PPM1G: variants seen among roughly 807,000 people sequenced by gnomAD.
PPM1G encodes the protein protein phosphatase, Mg2+/Mn2+ dependent 1G.
Under a neutral mutation model 59.4 loss-of-function variants are expected in PPM1G, and 12 were observed. The observed-to-expected ratio is 0.20, with a 90% CI of 0.13 to 0.33. PPM1G has a LOEUF of 0.33. Ranked by LOEUF, PPM1G falls within the 10% of genes least tolerant of loss-of-function variation. The pLI is 1.00. For synonymous variants in PPM1G, 245 were observed against 251.9 expected (o/e 0.97, Z 0.26); for missense variants, 392 against 681.3 (o/e 0.58, Z 4.73).
chr2:27,388,780 C>T lies in PPM1G; in HGVS notation c.121-1622G>A, dbSNP rs1683828274. 3.6e-5 allele frequency among the ~76,000 whole-genome samples: 5 copies of T among 138,816 alleles called. No individual in the cohort carries two copies. In the South Asian group the frequency reaches 1.2e-3, roughly 32 times the overall value. 91.1% of individuals were successfully genotyped at this position (138,816 alleles called of 152,430 possible). On this transcript the variant is annotated intron_variant, in intron 1 of 9. Coordinates refer to ENST00000344034, the MANE Select transcript of PPM1G (RefSeq NM_177983.3). ...GTCCCAGCTACTTGGGAGGCTGAGG[C>T]AGGAGAATGGCGTGAACCCAGGAGG...
intron 1 of PPM1G, chr2:27,392,789 T>C (rs1453959999): frequency 1.1e-5 from 16 of 1,471,892 alleles, no homozygotes; most frequent in Non-Finnish European, 1.4e-5. Flanking sequence ...GAGGCTTAGC[T>C]TTCATTATCA....
In PPM1G at chr2:27,383,979, C is replaced by T. The variant is rs1359257576; in HGVS notation, c.939G>A (p.Met313Ile). Reference protein sequence around the residue: ...EDDEEEEEEMMVPGMEGKEEP... With the variant: ...EDDEEEEEEMIVPGMEGKEEP... Reference sequence around the variant, plus strand: ...CCTCTTTGCCTTCCATCCCTGGCACCATCATCTCTTCTTCTTCTTCTTCAT... The same window carrying T: ...CCTCTTTGCCTTCCATCCCTGGCACTATCATCTCTTCTTCTTCTTCTTCAT... The change falls in exon 6 of 10, where the codon ATG becomes ATA. Residue 313 changes from methionine to isoleucine, a missense_variant. This residue lies in a region of PPM1G where 188 missense variants were observed against 248.8 expected (regional missense o/e 0.76). Coordinates refer to ENST00000344034, the MANE Select transcript of PPM1G (RefSeq NM_177983.3). The surrounding 1 kb of genome is among the most constrained non-coding windows in gnomAD (Gnocchi z 5.0). 4 of 1,557,008 alleles carry T rather than the reference C, an allele frequency of 2.6e-6. No homozygotes were observed. The highest frequency in any genetic ancestry group is 3.5e-6 in the Non-Finnish European group (4 of 1,149,604).
At chr2:27,403,823 G>A (rs1471256225) in intron 1 of PPM1G, among the ~76,000 whole-genome samples, 1 of 149,380 alleles carries the variant, frequency 6.7e-6, no homozygotes, top group Admixed American at 6.7e-5. Context: ...AAAGGCCAGT[G>A]AGCCGAGATC....
chr2:27,391,753 G>C (rs35982212), intron 1 of PPM1G, among the ~76,000 whole-genome samples: 2 of 145,474 alleles, frequency 1.4e-5, no homozygotes, highest in Admixed American at 1.4e-4. Context: ...TTTTTTTTGA[G>C]ACAGAGTCTA....
At chr2:27,407,290 G>A (rs1241882621) in intron 1 of PPM1G, among the ~76,000 whole-genome samples, 12 of 151,768 alleles carry the variant, frequency 7.9e-5, no homozygotes, top group African/African-American at 9.7e-5. Context: ...TTGAGACAGC[G>A]TCTCGCTCTG....
chr2:27,405,465 G>GT (rs1239001980), intron 1 of PPM1G, among the ~76,000 whole-genome samples: 7 of 151,228 alleles, frequency 4.6e-5, no homozygotes, highest in African/African-American at 1.7e-4. Context: ...TTTTTTGTTT[G>GT]TTTTTTTGAG....
intron 1 of PPM1G, among the ~76,000 whole-genome samples, chr2:27,397,095 C>T (rs1204358978): frequency 6.6e-6 from 1 of 152,002 alleles, no homozygotes; most frequent in Non-Finnish European, 1.5e-5. Context: ...TCTCAAACTC[C>T]CGACCTCAGG....
At chr2:27,388,672 G>A (rs563934393) in intron 1 of PPM1G, among the ~76,000 whole-genome samples, 7 of 151,256 alleles carry the variant, frequency 4.6e-5, no homozygotes, top group South Asian at 2.1e-4. Flanking sequence ...TCAGGAGATC[G>A]AGACCATCCT....
chr2:27,406,125 C>T (rs78056276), intron 1 of PPM1G, among the ~76,000 whole-genome samples: 5,169 of 152,202 alleles, frequency 0.034, 300 homozygotes, highest in African/African-American at 0.12. Flanking sequence ...CTCAAGAGTC[C>T]TCTCTACGGC....
intron 1 of PPM1G, among the ~76,000 whole-genome samples, chr2:27,394,795 T>C (rs190387246): frequency 1.8e-3 from 270 of 151,464 alleles, no homozygotes; most frequent in African/African-American, 6.3e-3. Context: ...GATATTTCAT[T>C]TTCCAGGAGT....
intron 1 of PPM1G, chr2:27,392,917 T>C (rs2148422538): frequency 2.1e-6 from 3 of 1,429,640 alleles, no homozygotes; most frequent in South Asian, 1.1e-5. Flanking sequence ...CACTTGTTCA[T>C]TCAGGTAATG....
Position 27,385,718 on chromosome 2 carries a change from T to A in PPM1G, c.409+29A>T. On this transcript the variant is annotated intron_variant, in intron 4 of 9. Coordinates refer to ENST00000344034, the MANE Select transcript of PPM1G (RefSeq NM_177983.3). This position sits in a 1 kb window ranked among gnomAD's most constrained non-coding sequence, Gnocchi z 4.1. ...AAGAATATTTCTTAAAATGCTGATTTCCCCTCAAACAAGGGATGCCACACT... is the reference window on the plus strand; with the variant it reads ...AAGAATATTTCTTAAAATGCTGATTACCCCTCAAACAAGGGATGCCACACT... The A allele has an allele frequency of 6.3e-7, 1 of 1,591,938 alleles. No individual in the cohort carries two copies. Among genetic ancestry groups the A allele is most frequent in the Non-Finnish European group, 8.5e-7 (1 of 1,172,810 alleles).
At chr2:27,394,741 TAAAAAAAA>T (rs397868730) in intron 1 of PPM1G, among the ~76,000 whole-genome samples, 2 of 107,918 alleles carry the variant, frequency 1.9e-5, no homozygotes, top group African/African-American at 3.6e-5. Context: ...GACTCTGTCT[TAAAAAAAA>T]AAAAAAAAAA....
chr2:27,398,771 G>A (rs1196811257), intron 1 of PPM1G, among the ~76,000 whole-genome samples: 4 of 148,818 alleles, frequency 2.7e-5, no homozygotes, highest in Admixed American at 1.4e-4. Context: ...GCAGTGAGCC[G>A]AGATCATGCC....
Position 27,401,148 on chromosome 2 carries a change from GA to G in PPM1G, c.120+8154del, listed in dbSNP as rs1684169487. On this transcript the variant is annotated intron_variant, in intron 1 of 9. Transcript: ENST00000344034. ...GGCACTGATCTAGAAAGAAGCAAAA[GA>G]ACCTTGGGTCAGCAAAATACTTATT... is the stretch of plus-strand genomic sequence containing the variant. 2.0e-5 allele frequency among the ~76,000 whole-genome samples: 3 copies of G among 152,288 alleles called. No homozygotes were observed. In the East Asian group the frequency reaches 5.8e-4, roughly 29 times the overall value.
chr2:27,406,332 T>TTA (rs1434763941), intron 1 of PPM1G, among the ~76,000 whole-genome samples: 2 of 152,238 alleles, frequency 1.3e-5, no homozygotes, highest in Non-Finnish European at 2.9e-5. Context: ...GAACTCATAG[T>TTA]TATTTTCTTG....
rs1558316180 is a variant in PPM1G, at chr2:27,384,025, G to C, written c.893C>G (p.Thr298Ser). The C allele has an allele frequency of 6.2e-7, 1 of 1,603,948 alleles. No individual in the cohort carries two copies. Among genetic ancestry groups the C allele is most frequent in the Non-Finnish European group, 8.5e-7 (1 of 1,175,144 alleles). Residue 298 changes from threonine (T) to serine (S), a missense_variant, in exon 6 of 10, where the codon ACC (threonine) becomes AGC (serine). Physicochemically the swap from Thr to Ser is moderately conservative, Grantham distance 58. Transcript: ENST00000344034. This position sits in a 1 kb window ranked among gnomAD's most constrained non-coding sequence, Gnocchi z 4.8. ...EAENEEDEDD[T>S]EEAEEDDEEE... ...TTCATCGTCCTCTTCAGCCTCCTCG[G>C]TGTCATCCTCATCTTCCTCATTCTC...
intron 1 of PPM1G, among the ~76,000 whole-genome samples, chr2:27,405,184 C>G (rs1285684665): frequency 6.6e-6 from 1 of 151,094 alleles, no homozygotes; most frequent in African/African-American, 2.4e-5. Flanking sequence ...AGCGATTCTC[C>G]TGCCTCAGCC....
chr2:27,405,291 T>C (rs1035629449), intron 1 of PPM1G, among the ~76,000 whole-genome samples: 9 of 152,000 alleles, frequency 5.9e-5, no homozygotes, highest in Admixed American at 3.9e-4. Flanking sequence ...CAGAATGATC[T>C]CGGTCTCTTG....
Sources: allele counts gnomAD v4.1 joint callset (sites outside exome capture counted in the v4.1 genomes callset), GRCh38; gene constraint gnomAD v4.1.1; regional missense constraint gnomAD v4.1.1; non-coding constraint Gnocchi (gnomAD v3.1); transcripts MANE v1.5; gene names NCBI Gene and HGNC (gene_info 2026-07-23, HGNC 2026-07-21).